CRB1: variants seen among roughly 807,000 people sequenced by gnomAD.
CRB1 encodes crumbs cell polarity complex component 1, also known as protein crumbs homolog 1.
In CRB1, 83 loss-of-function variants were observed where a neutral mutation model predicts 120.0. That is an observed-to-expected ratio of 0.69 (90% CI 0.58 to 0.83). The LOEUF (loss-of-function observed/expected upper bound fraction) is 0.83, where lower values mean the gene tolerates loss of function less well. Among genes scored for constraint, CRB1 ranks in the 40% least tolerant of loss-of-function variants. CRB1 has a pLI of 0.00. For missense variants in CRB1, 1,699 were observed against 1,687.6 expected (o/e 1.01, Z -0.12); for synonymous variants, 625 against 612.5 (o/e 1.02, Z -0.30).
At chr1:197,361,769 T>A (rs188324116) in intron 5 of CRB1, among the ~76,000 whole-genome samples, 2,694 of 151,456 alleles carry the variant, frequency 0.018, 64 homozygotes, top group African/African-American at 0.057. Flanking sequence ...TGATTTTTTT[T>A]AAAAAAATAG....
At chr1:197,245,030 G>T in the CRB1 span, among the ~76,000 whole-genome samples, 12 of 151,554 alleles carry the variant, frequency 7.9e-5, no homozygotes, top group Non-Finnish European at 1.6e-4. Flanking sequence ...TTTTTATTTG[G>T]TTCTTTTGTA....
chr1:197,453,617 C>G (rs975492523), intron 11 of CRB1, among the ~76,000 whole-genome samples: 38 of 141,828 alleles, frequency 2.7e-4, no homozygotes, highest in Non-Finnish European at 4.9e-4. Flanking sequence ...TGCTCTGTTG[C>G]CCAGGCTAGA....
chr1:197,388,632 G>A (rs1662340428), intron 5 of CRB1, among the ~76,000 whole-genome samples: 1 of 152,018 alleles, frequency 6.6e-6, no homozygotes, highest in Admixed American at 6.6e-5. Context: ...AGAAGTAGAA[G>A]ATAAGATGGC....
At chr1:197,302,205 T>A (rs1329587871) in intron 1 of CRB1, among the ~76,000 whole-genome samples, 1 of 152,320 alleles carries the variant, frequency 6.6e-6, no homozygotes, top group East Asian at 1.9e-4. Flanking sequence ...GCTGTCAACA[T>A]GGAGGCAAGA....
At position 197,429,300 on chromosome 1, in the gene CRB1, C is replaced by T. The variant is rs899018234; in HGVS notation, c.2677-149C>T. 10 of 1,264,912 alleles carry T rather than the reference C, an allele frequency of 7.9e-6. No homozygotes were observed. The African/African-American group carries it at 1.3e-4, about 17-fold the overall frequency. The allele number at this position is 1,264,912 out of a possible 1,614,324, so 78.4% of individuals were successfully genotyped here. A position where few individuals can be genotyped will look rare whatever the true frequency, so the allele number is the denominator to read the frequency against. On this transcript the variant is annotated intron_variant, in intron 7 of 11. Coordinates refer to ENST00000367400, the MANE Select transcript of CRB1 (RefSeq NM_201253.3). ...GGTAATGGCAGTAGTCATTTTTATTCTATTTAGTTAACAATGGATCTTAAA... is the reference window on the plus strand; with the variant it reads ...GGTAATGGCAGTAGTCATTTTTATTTTATTTAGTTAACAATGGATCTTAAA...
rs1350181109 is a variant in CRB1 at position 197,293,367 on chromosome 1, A to C, written c.70+24885A>C. Among the ~76,000 whole-genome samples, 3 of 152,144 alleles carry C rather than the reference A, an allele frequency of 2.0e-5. No homozygotes were observed. The East Asian group carries it at 5.8e-4, about 29-fold the overall frequency. On this transcript the variant is annotated intron_variant, in intron 1 of 11. Transcript: ENST00000367400. ...AACCAACTTACAAAGGACGTGAAGGACCTCTTCAAGGAGAACTACAAACCA... is the reference window on the plus strand; with the variant it reads ...AACCAACTTACAAAGGACGTGAAGGCCCTCTTCAAGGAGAACTACAAACCA...
chr1:197,351,187 CAAAAAAAAA>C (rs780090689), intron 4 of CRB1, among the ~76,000 whole-genome samples: 9 of 85,374 alleles, frequency 1.1e-4, no homozygotes, highest in East Asian at 3.5e-4. Context: ...ACTAAAAATA[CAAAAAAAAA>C]AAAAAAAAAA....
chr1:197,396,741 A>G (rs1662791676), intron 5 of CRB1, among the ~76,000 whole-genome samples: 1 of 152,186 alleles, frequency 6.6e-6, no homozygotes, highest in African/African-American at 2.4e-5. Context: ...AAACAAAGCT[A>G]GCACAATGCA....
intron 5 of CRB1, among the ~76,000 whole-genome samples, chr1:197,408,013 T>G (rs2759655): frequency 7.4e-4 from 113 of 152,144 alleles, no homozygotes; most frequent in African/African-American, 2.6e-3. Flanking sequence ...AGATATATAC[T>G]TTATAGCAGT....
At chr1:197,221,591 A>T in the CRB1 span, among the ~76,000 whole-genome samples, 2 of 152,242 alleles carry the variant, frequency 1.3e-5, no homozygotes, top group African/African-American at 4.8e-5. Context: ...TGCCTGACGA[A>T]TTTAAAAAAT....
At chr1:197,251,311 T>G in the CRB1 span, among the ~76,000 whole-genome samples, 3 of 152,048 alleles carry the variant, frequency 2.0e-5, no homozygotes, top group East Asian at 3.9e-4. Context: ...GTGTTTTGGT[T>G]GTTGTTGTTG....
chr1:197,252,582 A>G, the CRB1 span, among the ~76,000 whole-genome samples: 3,512 of 15,226 alleles, frequency 0.23, 599 homozygotes, highest in Middle Eastern at 0.33. Flanking sequence ...ATATATATAT[A>G]TGTGTGTGTG....
intron 5 of CRB1, among the ~76,000 whole-genome samples, chr1:197,363,102 C>T (rs1281907426): frequency 1.3e-5 from 2 of 149,456 alleles, no homozygotes; most frequent in East Asian, 3.9e-4. Flanking sequence ...TTTACCACTT[C>T]AAGTGAAGTA....
intron 8 of CRB1, among the ~76,000 whole-genome samples, chr1:197,434,200 A>G (rs1350951905): frequency 2.0e-5 from 3 of 152,254 alleles, no homozygotes; most frequent in East Asian, 3.9e-4. Context: ...TGCTACTTTT[A>G]ACTGCCTACT....
chr1:197,211,731 A>G, the CRB1 span, among the ~76,000 whole-genome samples: 1 of 152,236 alleles, frequency 6.6e-6, no homozygotes, highest in East Asian at 1.9e-4. Context: ...AAAAATCCAT[A>G]TTATGAATAT....
intron 5 of CRB1, among the ~76,000 whole-genome samples, chr1:197,388,942 G>A (rs1422257655): frequency 6.6e-6 from 1 of 152,026 alleles, no homozygotes; most frequent in East Asian, 1.9e-4. Flanking sequence ...TGACCAATAA[G>A]CACATGAAAA....
the CRB1 span, among the ~76,000 whole-genome samples, chr1:197,208,585 G>T: frequency 4.6e-5 from 7 of 152,208 alleles, no homozygotes; most frequent in South Asian, 4.1e-4. Context: ...CTCAGTTGTG[G>T]ATACCAGCTC....
chr1:197,357,132 G>A (rs1025158623), intron 5 of CRB1, 119 bp downstream of exon 5: 2 of 1,015,644 alleles, frequency 2.0e-6, no homozygotes, highest in African/African-American at 3.2e-5. Flanking sequence ...CTGCTGTGGT[G>A]CAAAGGGTCC....
intron 2 of CRB1, among the ~76,000 whole-genome samples, chr1:197,332,275 C>A (rs1287272777): frequency 2.0e-5 from 3 of 152,170 alleles, no homozygotes; most frequent in Non-Finnish European, 4.4e-5. Context: ...TAGGTTGTAT[C>A]ACATCCCTGT....
Sources: allele counts gnomAD v4.1 joint callset (sites outside exome capture counted in the v4.1 genomes callset), GRCh38; gene constraint gnomAD v4.1.1; transcripts MANE v1.5; gene names NCBI Gene and HGNC (gene_info 2026-07-23, HGNC 2026-07-21).